EBPL: variants seen among roughly 807,000 people sequenced by gnomAD.
EBPL encodes the protein EBP like.
Under a neutral mutation model 19.0 loss-of-function variants are expected in EBPL, and 20 were observed. That is an observed-to-expected ratio of 1.05 (90% CI 0.74 to 1.53). EBPL has a LOEUF of 1.53. Ranked by LOEUF, EBPL falls within the 40% of genes most tolerant of loss-of-function variation. EBPL has a pLI of 0.00. For missense variants in EBPL, 219 were observed against 261.1 expected (o/e 0.84, Z 1.11); for synonymous variants, 107 against 117.0 (o/e 0.91, Z 0.55).
chr13:49,667,419 T>C (rs2137487585), intron 2 of EBPL, among the ~76,000 whole-genome samples: 1 of 152,208 alleles, frequency 6.6e-6, no homozygotes, highest in East Asian at 1.9e-4. Context: ...CAGGAGATGC[T>C]GAGTATTCAT....
intron 1 of EBPL, 87 bp from the exon 2 acceptor site, chr13:49,669,933 T>C (rs73192668): frequency 1.1e-5 from 11 of 990,906 alleles, no homozygotes; most frequent in Non-Finnish European, 1.7e-5. Context: ...CCTGGCTCCA[T>C]CCCCCACCCT....
chr13:49,679,521 T>C (rs1006827857), intron 1 of EBPL, among the ~76,000 whole-genome samples: 1 of 152,156 alleles, frequency 6.6e-6, no homozygotes, highest in Non-Finnish European at 1.5e-5. Flanking sequence ...TATTTCTTTC[T>C]TTTTTTCTTG....
intron 3 of EBPL, among the ~76,000 whole-genome samples, 155 bp from the exon 4 acceptor site, chr13:49,661,363 G>C (rs572015420): frequency 2.0e-5 from 3 of 152,270 alleles, no homozygotes; most frequent in African/African-American, 7.2e-5. Flanking sequence ...TATTTTGATG[G>C]GGGCAAGTCA....
intron 1 of EBPL, among the ~76,000 whole-genome samples, chr13:49,673,964 C>CACAT (rs916391791): frequency 3.0e-5 from 3 of 98,680 alleles, no homozygotes; most frequent in African/African-American, 1.6e-4. Context: ...GAACTTAATA[C>CACAT]ACACACACAC....
Position 49,691,347 on chromosome 13 carries a change from G to A in EBPL, c.78C>T (p.Cys26=), listed in dbSNP as rs1231206915. 5 of 1,355,094 alleles carry A rather than the reference G, an allele frequency of 3.7e-6. No individual in the cohort carries two copies. In the African/African-American group the frequency reaches 6.0e-5, roughly 16 times the overall value. 83.9% of individuals were successfully genotyped at this position (1,355,094 alleles called of 1,614,324 possible). The change falls in exon 1 of 4, where the codon TGC becomes TGT. Residue 26 remains cysteine (C), a synonymous_variant. Coordinates refer to ENST00000242827, the MANE Select transcript of EBPL (RefSeq NM_032565.5). ...LLCAALLAAG[C]ALGLRLGRGQ... Reference sequence around the variant, plus strand: ...CGCGGCCCAGGCGCAGGCCCAGGGCGCAGCCCGCCGCCAGCAGCGCGGCGC... The same window carrying A: ...CGCGGCCCAGGCGCAGGCCCAGGGCACAGCCCGCCGCCAGCAGCGCGGCGC...
rs537935841 is a variant in EBPL at position 49,672,163 on chromosome 13, C to T, written c.172-2317G>A. Among the ~76,000 whole-genome samples the T allele has an allele frequency of 7.2e-5, 11 of 152,260 alleles. No individual in the cohort carries two copies. In the South Asian group the frequency reaches 2.3e-3, roughly 32 times the overall value. On this transcript the variant is annotated intron_variant, in intron 1 of 3. Transcript: ENST00000242827. ...ATACTGTCATCTCTACCTTAGAATC[C>T]CCAAGAAACATGACATTTGTGTTCC...
chr13:49,661,773 C>T, intron 3 of EBPL: 3 of 1,496,856 alleles, frequency 2.0e-6, no homozygotes, highest in Non-Finnish European at 2.7e-6. Context: ...ATTTTTATTG[C>T]CAACTATCTC....
At chr13:49,673,964 C>CAT (rs59122189) in intron 1 of EBPL, among the ~76,000 whole-genome samples, 1,445 of 98,742 alleles carry the variant, frequency 0.015, 21 homozygotes, top group African/African-American at 0.074. Context: ...GAACTTAATA[C>CAT]ACACACACAC....
Position 49,661,177 on chromosome 13 carries a change from C to A in EBPL, c.412G>T (p.Glu138Ter). 4.3e-6 allele frequency: 7 copies of A among 1,614,126 alleles called. No homozygotes were observed. Among genetic ancestry groups the A allele is most frequent in the Non-Finnish European group, 3.4e-6 (4 of 1,180,010 alleles). ...AAGGTCATCCAGCAGCCATACAGCTCGCACACGCACAGGGTGATCTGCAGG... is the reference window on the plus strand; with the variant it reads ...AAGGTCATCCAGCAGCCATACAGCTAGCACACGCACAGGGTGATCTGCAGG... ...HFLQITLCVC[E>*]LYGCWMTFLP... Residue 138 changes from glutamate to a stop codon, truncating the protein, a stop_gained, in exon 4 of 4, where the codon GAG (glutamate) becomes TAG (stop). Coordinates refer to ENST00000242827, the MANE Select transcript of EBPL (RefSeq NM_032565.5). LOFTEE classifies it high-confidence loss of function.
At chr13:49,690,044 G>A (rs61959938) in intron 1 of EBPL, among the ~76,000 whole-genome samples, 35,695 of 151,664 alleles carry the variant, frequency 0.24, 5,030 homozygotes, top group Non-Finnish European at 0.32. Flanking sequence ...CAGCTACTCG[G>A]GAGGCTGAGG....
At chr13:49,684,933 T>A (rs1349152018) in intron 1 of EBPL, among the ~76,000 whole-genome samples, 3 of 152,102 alleles carry the variant, frequency 2.0e-5, no homozygotes, top group Non-Finnish European at 4.4e-5. Flanking sequence ...TGAGACAGGA[T>A]CTTGCTCTGT....
intron 1 of EBPL, among the ~76,000 whole-genome samples, chr13:49,685,098 G>A (rs1478770351): frequency 6.6e-6 from 1 of 152,146 alleles, no homozygotes; most frequent in Non-Finnish European, 1.5e-5. Context: ...GGTCAGCAAA[G>A]TGAATTTAAA....
intron 1 of EBPL, among the ~76,000 whole-genome samples, chr13:49,685,743 C>T (rs1425199785): frequency 2.0e-5 from 3 of 151,906 alleles, no homozygotes; most frequent in South Asian, 2.1e-4. Context: ...CATGGTGGCA[C>T]GTGCCTGTAG....
In EBPL at chr13:49,661,179, C is replaced by T. The variant is rs1338359697; in HGVS notation, c.410G>A (p.Cys137Tyr). ...GGTCATCCAGCAGCCATACAGCTCG[C>T]ACACGCACAGGGTGATCTGCAGGAA... is the stretch of plus-strand genomic sequence containing the variant. ...RHFLQITLCVCELYGCWMTFL... is the reference protein window; with the variant it reads ...RHFLQITLCVYELYGCWMTFL... Residue 137 changes from cysteine (C) to tyrosine (Y), a missense_variant, in exon 4 of 4, where the codon TGC (cysteine) becomes TAC (tyrosine). Cys to Tyr is a radical substitution (Grantham distance 194). Coordinates refer to ENST00000242827, the MANE Select transcript of EBPL (RefSeq NM_032565.5). The T allele has an allele frequency of 2.5e-6, 4 of 1,614,154 alleles. No individual in the cohort carries two copies. Among genetic ancestry groups the T allele is most frequent in the Non-Finnish European group, 3.4e-6 (4 of 1,180,020 alleles).
At chr13:49,674,843 CTG>C (rs1953859330) in intron 1 of EBPL, among the ~76,000 whole-genome samples, 1 of 152,140 alleles carries the variant, frequency 6.6e-6, no homozygotes, top group Non-Finnish European at 1.5e-5. Context: ...CTGCTCAGCC[CTG>C]TGGCACAAAC....
At chr13:49,677,663 C>T (rs1775056002) in intron 1 of EBPL, among the ~76,000 whole-genome samples, 2 of 152,214 alleles carry the variant, frequency 1.3e-5, no homozygotes, top group African/African-American at 2.4e-5. Flanking sequence ...AATCCCAGCA[C>T]TTTGGGAGGC....
chr13:49,689,812 T>C (rs1227383225), intron 1 of EBPL, among the ~76,000 whole-genome samples: 4 of 152,220 alleles, frequency 2.6e-5, no homozygotes, highest in African/African-American at 9.6e-5. Flanking sequence ...TTATCTCCCT[T>C]GTTCTGTGGG....
chr13:49,673,599 C>G (rs1192774084), intron 1 of EBPL, among the ~76,000 whole-genome samples: 3 of 151,930 alleles, frequency 2.0e-5, no homozygotes, highest in African/African-American at 7.2e-5. Flanking sequence ...ACCACGCCCA[C>G]CTAATTTTTG....
chr13:49,683,937 T>C (rs1313013792), intron 1 of EBPL, among the ~76,000 whole-genome samples: 1 of 152,226 alleles, frequency 6.6e-6, no homozygotes, highest in Non-Finnish European at 1.5e-5. Flanking sequence ...ACCCATTTGT[T>C]CATTAACTGA....
Sources: gnomAD v4.1 joint callset for allele counts (sites outside exome capture counted in the v4.1 genomes callset) on GRCh38, gnomAD v4.1.1 for gene constraint, MANE v1.5 for transcripts, NCBI Gene and HGNC (gene_info 2026-07-23, HGNC 2026-07-21) for gene names.